The following FTO variants were observed in gnomAD, a reference collection of about 807,000 sequenced individuals.
FTO encodes the protein alpha-ketoglutarate-dependent dioxygenase FTO.
Under a neutral mutation model 63.9 loss-of-function variants are expected in FTO, and 47 were observed. The ratio of observed to expected loss-of-function variants is 0.74; its 90% CI spans 0.58 to 0.94. The LOEUF (loss-of-function observed/expected upper bound fraction) is 0.94. Ranked by LOEUF, FTO falls within the 40% of genes least tolerant of loss-of-function variation. The pLI, the probability that FTO is intolerant of heterozygous loss-of-function variation, is 0.00. For missense variants in FTO, 562 were observed against 618.1 expected (o/e 0.91, Z 0.96); for synonymous variants, 207 against 224.4 (o/e 0.92, Z 0.69).
intron 1 of FTO, among the ~76,000 whole-genome samples, chr16:53,791,085 A>C (rs774307837): frequency 6.6e-6 from 1 of 152,176 alleles, no homozygotes; most frequent in Non-Finnish European, 1.5e-5. Context: ...GACCAAGAGG[A>C]TAGTTCTGGG....
chr16:53,764,865 G>T (rs370931080), intron 1 of FTO, among the ~76,000 whole-genome samples: 2 of 151,884 alleles, frequency 1.3e-5, no homozygotes, highest in African/African-American at 2.4e-5. Flanking sequence ...GATTACAGGC[G>T]CATGTCACCA....
intron 8 of FTO, among the ~76,000 whole-genome samples, chr16:53,964,587 C>T (rs1475503546): frequency 1.3e-5 from 2 of 152,128 alleles, no homozygotes; most frequent in East Asian, 3.9e-4. Flanking sequence ...TGTCCATGTT[C>T]TTTCCATTAA....
chr16:54,006,495 G>A (rs2084209213), intron 8 of FTO, among the ~76,000 whole-genome samples: 1 of 152,144 alleles, frequency 6.6e-6, no homozygotes, highest in African/African-American at 2.4e-5. Context: ...GATATTTTAT[G>A]AATCAGAACC....
Position 53,988,203 on chromosome 16 carries a change from G to A in FTO, c.1364+54094G>A, listed in dbSNP as rs560903587. Among the ~76,000 whole-genome samples the A allele has an allele frequency of 4.2e-3, 642 of 152,214 alleles. 10 individuals carry two copies. Among genetic ancestry groups the A allele is most frequent in the African/African-American group, 0.015 (625 of 41,542 alleles). On this transcript the variant is annotated intron_variant, in intron 8 of 8. Coordinates refer to ENST00000471389, the MANE Select transcript of FTO (RefSeq NM_001080432.3). Reference sequence around the variant, plus strand: ...GCTTTTCAGTGCAGTCATTTTTAATGGTGGTTTTTATAGCATCAATAAAAA... The same window carrying A: ...GCTTTTCAGTGCAGTCATTTTTAATAGTGGTTTTTATAGCATCAATAAAAA...
intron 8 of FTO, among the ~76,000 whole-genome samples, chr16:54,027,098 G>C (rs1373466212): frequency 2.0e-5 from 3 of 152,118 alleles, no homozygotes; most frequent in African/African-American, 7.2e-5. Context: ...AGAGAGAAGA[G>C]AGAAGTCACC....
chr16:53,895,320 G>A (rs1373866541), intron 7 of FTO, among the ~76,000 whole-genome samples: 1 of 151,792 alleles, frequency 6.6e-6, no homozygotes, highest in Non-Finnish European at 1.5e-5. Context: ...CTGTCTTTTT[G>A]GGAAAAAAGA....
intron 8 of FTO, among the ~76,000 whole-genome samples, chr16:53,949,896 C>T (rs1056441574): frequency 5.3e-5 from 8 of 151,264 alleles, no homozygotes; most frequent in African/African-American, 1.2e-4. Context: ...TTGCCATAAA[C>T]GAACAGAATC....
intron 8 of FTO, chr16:53,998,548 T>A (rs1413084256): frequency 4.6e-5 from 7 of 152,220 alleles, no homozygotes; most frequent in African/African-American, 1.4e-4. Context: ...AAAAAGAGTT[T>A]GTTGGTTGGT....
intron 2 of FTO, among the ~76,000 whole-genome samples, chr16:53,815,475 A>G (rs1408419926): frequency 6.6e-6 from 1 of 151,976 alleles, no homozygotes; most frequent in Non-Finnish European, 1.5e-5. Flanking sequence ...CTGCCTCCGC[A>G]GTTTTAGCAT....
At chr16:53,709,451 T>C (rs192116174) in intron 1 of FTO, among the ~76,000 whole-genome samples, 1 of 152,300 alleles carries the variant, frequency 6.6e-6, no homozygotes, top group East Asian at 1.9e-4. Context: ...CGTGCCTCAG[T>C]TTCTCCAGTC....
chr16:53,956,136 A>C (rs1189786545), intron 8 of FTO, among the ~76,000 whole-genome samples: 2 of 152,212 alleles, frequency 1.3e-5, no homozygotes. Flanking sequence ...GAATTCAGAG[A>C]AAGTTAAAGA....
intron 8 of FTO, among the ~76,000 whole-genome samples, chr16:53,954,316 C>T (rs2082870403): frequency 6.6e-6 from 1 of 152,084 alleles, no homozygotes; most frequent in Non-Finnish European, 1.5e-5. Flanking sequence ...TGTGGATGGG[C>T]CTTTCATTTA....
intron 8 of FTO, among the ~76,000 whole-genome samples, chr16:54,058,342 C>T (rs1348973832): frequency 1.3e-5 from 2 of 152,112 alleles, no homozygotes; most frequent in Non-Finnish European, 2.9e-5. Context: ...AGGCTAGTCT[C>T]GAACTCCTGA....
At chr16:53,881,331 C>G (rs2080827985) in intron 6 of FTO, among the ~76,000 whole-genome samples, 1 of 152,096 alleles carries the variant, frequency 6.6e-6, no homozygotes, top group Admixed American at 6.6e-5. Flanking sequence ...GGATAGTAAG[C>G]ATGCCTGTCT....
chr16:53,840,867 T>C (rs1027103516), intron 3 of FTO, among the ~76,000 whole-genome samples: 1 of 152,034 alleles, frequency 6.6e-6, no homozygotes, highest in African/African-American at 2.4e-5. Flanking sequence ...TACCAGATCT[T>C]GTAATTCAAG....
At chr16:54,050,398 G>T (rs1599274725) in intron 8 of FTO, among the ~76,000 whole-genome samples, 2 of 152,034 alleles carry the variant, frequency 1.3e-5, no homozygotes, top group African/African-American at 2.4e-5. Flanking sequence ...AAGCAGAGTG[G>T]GTGATAAATA....
intron 1 of FTO, among the ~76,000 whole-genome samples, chr16:53,801,387 T>C (rs907574822): frequency 2.6e-5 from 4 of 152,184 alleles, no homozygotes; most frequent in Non-Finnish European, 5.9e-5. Flanking sequence ...GTGATGTTGC[T>C]ATCATACATT....
chr16:53,733,268 G>C (rs1455656640), intron 1 of FTO, among the ~76,000 whole-genome samples: 2 of 152,106 alleles, frequency 1.3e-5, no homozygotes, highest in Non-Finnish European at 2.9e-5. Context: ...CAGGTGTGGT[G>C]GTGGGTGCCT....
chr16:53,989,891 G>C (rs1451721317), intron 8 of FTO, among the ~76,000 whole-genome samples: 1 of 151,134 alleles, frequency 6.6e-6, no homozygotes, highest in Non-Finnish European at 1.5e-5. Context: ...TGAGGATGAA[G>C]ACCTTTAAGA....
Sources: allele counts gnomAD v4.1 joint callset (sites outside exome capture counted in the v4.1 genomes callset), GRCh38; gene constraint gnomAD v4.1.1; transcripts MANE v1.5; gene names NCBI Gene and HGNC (gene_info 2026-07-23, HGNC 2026-07-21).